Variants in PLA2G2C observed in about 807,000 individuals in gnomAD.
PLA2G2C encodes the protein phospholipase A2 group IIC, also known as putative inactive group IIC secretory phospholipase A2.
A neutral mutation model predicts 14.3 loss-of-function variants in PLA2G2C; 15 were observed. The observed-to-expected ratio is 1.05, with a 90% confidence interval of 0.70 to 1.62. PLA2G2C has a LOEUF of 1.62. Among genes scored for constraint, PLA2G2C ranks in the 40% most tolerant of loss-of-function variants. The probability of loss-of-function intolerance (pLI) is 0.00; values close to 1 mark genes in which losing one functional copy is unlikely to be tolerated. For missense variants in PLA2G2C, 162 were observed against 173.2 expected (o/e 0.94, Z 0.36); for synonymous variants, 79 against 67.7 (o/e 1.17, Z -0.82).
At chr1:20,164,311 T>A (rs927863624) in intron 4 of PLA2G2C, among the ~76,000 whole-genome samples, 154 bp from the exon 5 acceptor site, 10 of 152,120 alleles carry the variant, frequency 6.6e-5, no homozygotes, top group Non-Finnish European at 1.5e-4. Context: ...TATGTGTGCA[T>A]GTGTGTGTGT....
intron 4 of PLA2G2C, among the ~76,000 whole-genome samples, chr1:20,168,484 G>A (rs1051007341): frequency 3.9e-5 from 6 of 152,276 alleles, no homozygotes; most frequent in African/African-American, 9.6e-5. Context: ...GGGGAGAGTC[G>A]AGGCACACAG....
intron 4 of PLA2G2C, among the ~76,000 whole-genome samples, chr1:20,165,341 T>A (rs955521636): frequency 3.9e-5 from 6 of 152,214 alleles, no homozygotes; most frequent in African/African-American, 1.4e-4. Flanking sequence ...TCTCTGGCCA[T>A]GTCCTCCATA....
chr1:20,183,006 G>A (rs1023624482), intron 1 of PLA2G2C, among the ~76,000 whole-genome samples: 4 of 152,180 alleles, frequency 2.6e-5, no homozygotes, highest in Admixed American at 2.0e-4. Context: ...CATCATTGCC[G>A]AGCACGTATC....
At chr1:20,165,833 G>A (rs538835046) in intron 4 of PLA2G2C, among the ~76,000 whole-genome samples, 29 of 152,230 alleles carry the variant, frequency 1.9e-4, no homozygotes, top group Middle Eastern at 3.4e-3. Flanking sequence ...GTGCGCGCGC[G>A]CATGTGTGTT....
chr1:20,167,337 C>T (rs1276432208), intron 4 of PLA2G2C, among the ~76,000 whole-genome samples: 1 of 152,166 alleles, frequency 6.6e-6, no homozygotes, highest in Non-Finnish European at 1.5e-5. Flanking sequence ...TCACACCAAA[C>T]TCTTGCTGTC....
chr1:20,185,758 A>C (rs2018362877), intron 1 of PLA2G2C, among the ~76,000 whole-genome samples: 1 of 152,138 alleles, frequency 6.6e-6, no homozygotes, highest in African/African-American at 2.4e-5. Flanking sequence ...TCAGGGCCTG[A>C]CCCAAGGTGA....
At chr1:20,180,173 T>A (rs868120321) in intron 1 of PLA2G2C, among the ~76,000 whole-genome samples, 1 of 152,168 alleles carries the variant, frequency 6.6e-6, no homozygotes, top group African/African-American at 2.4e-5. Context: ...CCTTGCTCAC[T>A]TCCCTACAGC....
intron 4 of PLA2G2C, among the ~76,000 whole-genome samples, chr1:20,164,709 G>C (rs187952477): frequency 6.6e-6 from 1 of 152,214 alleles, no homozygotes; most frequent in Middle Eastern, 3.2e-3. Context: ...GGGAACCCTT[G>C]ATATCCTAGT....
At chr1:20,182,444 T>A (rs560186744) in intron 1 of PLA2G2C, among the ~76,000 whole-genome samples, 31 of 152,240 alleles carry the variant, frequency 2.0e-4, no homozygotes, top group Admixed American at 2.0e-3. Flanking sequence ...AGCAACAGGC[T>A]ATACCATATA....
chr1:20,176,002 C>T (rs754530970), intron 2 of PLA2G2C, among the ~76,000 whole-genome samples: 27 of 150,062 alleles, frequency 1.8e-4, no homozygotes, highest in African/African-American at 3.0e-4. Context: ...CTCCGCCTCC[C>T]GGGTTCAGGC....
rs2100718023 is a variant in PLA2G2C, at chr1:20,172,861, C to T, written c.216G>A (p.Leu72=). The change falls in exon 4 of 5, where the codon CTG becomes CTA. Residue 72 remains leucine (L), a synonymous_variant. Transcript: ENST00000679259. ...ACACAGGCTGGCAGCTGAACTCCTT[C>T]AGCTTCTCGTAGGGAGAGGGAGATG... ...SPSSPSPYEK[L]KEFSCQPVLN... is the part of the protein sequence containing the mutation. The T allele has an allele frequency of 6.2e-7, 1 of 1,613,910 alleles. No homozygotes were observed. The highest frequency in any genetic ancestry group is 1.7e-5 in the Admixed American group (1 of 60,028).
intron 4 of PLA2G2C, among the ~76,000 whole-genome samples, chr1:20,171,828 C>T (rs2100716874): frequency 7.1e-6 from 1 of 140,970 alleles, no homozygotes; most frequent in Admixed American, 7.5e-5. Context: ...GTGGCGCAAT[C>T]TCGGCTCACT....
chr1:20,174,317 C>T (rs988331143), intron 3 of PLA2G2C, among the ~76,000 whole-genome samples: 1 of 152,154 alleles, frequency 6.6e-6, no homozygotes, highest in East Asian at 1.9e-4. Flanking sequence ...CAAACTGTCC[C>T]GTTTCTTACC....
rs888621415 is a variant in PLA2G2C at position 20,164,152 on chromosome 1, A to T, written c.289T>A (p.Cys97Ser). Reference protein sequence around the residue: ...HIVNGAVVCGCTLGPGASCHC... With the variant: ...HIVNGAVVCGSTLGPGASCHC... ...CAGCTGGCACCAGGACCAAGGGTGC[A>T]TCCACCTACAGAGACACAGAGGGTC... is the stretch of plus-strand genomic sequence containing the variant. Residue 97 changes from cysteine to serine, a missense_variant, in exon 5 of 5, where the codon TGC (cysteine) becomes AGC (serine). By Grantham distance (112) the Cys-to-Ser change is moderately radical. Transcript: ENST00000679259. The T allele has an allele frequency of 6.2e-7, 1 of 1,612,608 alleles. No homozygotes were observed. The highest frequency in any genetic ancestry group is 1.1e-5 in the South Asian group (1 of 90,940).
At chr1:20,181,854 G>T (rs2018283630) in intron 1 of PLA2G2C, among the ~76,000 whole-genome samples, 2 of 152,168 alleles carry the variant, frequency 1.3e-5, no homozygotes, top group Non-Finnish European at 1.5e-5. Flanking sequence ...GCCAAGGAAA[G>T]GTAGCATTGT....
At position 20,163,691 on chromosome 1, in the gene PLA2G2C, A is replaced by G. The variant is rs750601103; in HGVS notation, c.*300T>C. ...GTTTTACTGCATCATAGCACTTACT[A>G]CAGTCTAATGTGTCTCTTACTTCTA... On this transcript the variant is annotated 3_prime_UTR_variant, in exon 5 of 5. Transcript: ENST00000679259. 53 of 300,480 alleles carry G rather than the reference A, an allele frequency of 1.8e-4. No homozygotes were observed. The highest frequency in any genetic ancestry group is 2.4e-4 in the Non-Finnish European group (39 of 162,424). 18.6% of individuals were successfully genotyped at this position (300,480 alleles called of 1,614,324 possible).
intron 3 of PLA2G2C, among the ~76,000 whole-genome samples, chr1:20,174,713 C>T (rs1427111555): frequency 6.6e-6 from 1 of 152,060 alleles, no homozygotes; most frequent in Non-Finnish European, 1.5e-5. Context: ...ATGTTTAGGC[C>T]CTTATGAGTG....
At chr1:20,173,487 T>A (rs2018125796) in intron 3 of PLA2G2C, among the ~76,000 whole-genome samples, 1 of 152,138 alleles carries the variant, frequency 6.6e-6, no homozygotes, top group African/African-American at 2.4e-5. Context: ...TTCCCAAACT[T>A]AGGCAGCTGG....
intron 1 of PLA2G2C, among the ~76,000 whole-genome samples, chr1:20,183,576 G>A (rs1340092670): frequency 6.6e-6 from 1 of 152,244 alleles, no homozygotes; most frequent in Non-Finnish European, 1.5e-5. Context: ...AGCCGACCTA[G>A]GGAGGGTGCA....
Sources: allele counts gnomAD v4.1 joint callset (sites outside exome capture counted in the v4.1 genomes callset), GRCh38; gene constraint gnomAD v4.1.1; transcripts MANE v1.5; gene names NCBI Gene and HGNC (gene_info 2026-07-23, HGNC 2026-07-21).